NOL8: variants seen among roughly 807,000 people sequenced by gnomAD.
NOL8 encodes nucleolar protein 8.
A neutral mutation model predicts 116.1 loss-of-function variants in NOL8; 93 were observed. The observed-to-expected ratio is 0.80, with a 90% CI of 0.68 to 0.95. The LOEUF is 0.95. Among genes scored for constraint, NOL8 ranks in the 40% least tolerant of loss-of-function variants. NOL8 has a pLI of 0.00. For synonymous variants in NOL8, 419 were observed against 469.0 expected, an observed-to-expected ratio of 0.89 and a Z score of 1.38; for missense variants, 1,291 against 1,382.8, an observed-to-expected ratio of 0.93 and a Z score of 1.05.
chr9:92,297,760 A>C lies in NOL8; in HGVS notation c.*76T>G. The C allele has an allele frequency of 9.3e-7, 1 of 1,075,518 alleles. No homozygotes were observed. The highest frequency in any genetic ancestry group is 1.3e-6 in the Non-Finnish European group (1 of 760,148). 66.6% of individuals were successfully genotyped at this position (1,075,518 alleles called of 1,614,324 possible). A position where few individuals can be genotyped will look rare whatever the true frequency, so the allele number is the denominator to read the frequency against. ...TTCACTCTGAAATTTCTTCTTTGTC[A>C]GCTAAAACTGTTTTCTGGGTCAGTT... is the stretch of plus-strand genomic sequence containing the variant. On this transcript the variant is annotated 3_prime_UTR_variant, in exon 17 of 17. Transcript: ENST00000442668.
At position 92,324,137 on chromosome 9, in the gene NOL8, G is replaced by T; in HGVS notation, c.25C>A (p.Arg9Ser). 2.5e-6 allele frequency: 4 copies of T among 1,613,738 alleles called. No individual in the cohort carries two copies. The highest frequency in any genetic ancestry group is 3.4e-6 in the Non-Finnish European group (4 of 1,179,750). The change falls in exon 2 of 17, where the codon CGC (arginine) becomes AGC (serine). Residue 9 changes from arginine (R) to serine (S), a missense_variant. Transcript: ENST00000442668. The stretch of plus-strand genomic sequence containing the variant: ...TGGCTAAGGCCACCCACATAAAGGC[G>T]CTTCGTTTCTCTGTTCACTTTCATG... MKVNRETK[R>S]LYVGGLSQDI... is the part of the protein sequence containing the mutation.
chr9:92,301,580 A>C lies in NOL8; in HGVS notation c.3146T>G (p.Phe1049Cys). 1 of 1,602,790 alleles carries C rather than the reference A, an allele frequency of 6.2e-7. No individual in the cohort carries two copies. The highest frequency in any genetic ancestry group is 8.5e-7 in the Non-Finnish European group (1 of 1,175,502). Reference sequence around the variant, plus strand: ...CTTTATGTCTTTAGTGTCTGAATCAAAAAAAGAGAACGTGAACCCGCTGGG... The same window carrying C: ...CTTTATGTCTTTAGTGTCTGAATCACAAAAAGAGAACGTGAACCCGCTGGG... ...EQPSGFTFSF[F>C]DSDTKDIKEE... Residue 1049 changes from phenylalanine to cysteine, a missense_variant, in exon 13 of 17, where the codon TTT becomes TGT. Phe to Cys is a radical substitution (Grantham distance 205). Coordinates refer to ENST00000442668, the MANE Select transcript of NOL8 (RefSeq NM_017948.6).
At chr9:92,297,973 G>A in intron 16 of NOL8, 87 bp from the exon 17 acceptor site, 1 of 1,156,530 alleles carries the variant, frequency 8.6e-7, no homozygotes, top group African/African-American at 1.6e-5. Context: ...TATTCTCACT[G>A]TCAGGGCTGT....
At chr9:92,310,031 C>T in intron 10 of NOL8, 140 bp downstream of exon 10, 4 of 619,316 alleles carry the variant, frequency 6.5e-6, no homozygotes, top group Non-Finnish European at 8.4e-6. Context: ...TTAGTATTAA[C>T]TGTACATTTG....
intron 11 of NOL8, among the ~76,000 whole-genome samples, chr9:92,306,237 G>A (rs41312230): frequency 0.031 from 4,656 of 152,110 alleles, 112 homozygotes; most frequent in South Asian, 0.079. Flanking sequence ...CAGGTGATCC[G>A]CCCACCTTAG....
chr9:92,297,762 C>T lies in NOL8; in HGVS notation c.*74G>A. On this transcript the variant is annotated 3_prime_UTR_variant, in exon 17 of 17. Transcript: ENST00000442668. ...CACTCTGAAATTTCTTCTTTGTCAG[C>T]TAAAACTGTTTTCTGGGTCAGTTTC... 8.8e-7 allele frequency: 1 copy of T among 1,132,172 alleles called. No individual in the cohort carries two copies. Among genetic ancestry groups the T allele is most frequent in the Middle Eastern group, 2.1e-4 (1 of 4,780 alleles). 70.1% of individuals were successfully genotyped at this position (1,132,172 alleles called of 1,614,324 possible).
Position 92,314,879 on chromosome 9 carries a change from C to G in NOL8, c.1746G>C (p.Lys582Asn). ...AFKGVGCLYE[K>N]ESMKKSLKDS... ...CTTTCAAGGATTTTTTCATTGACTC[C>G]TTTTCATATAGACAGCCTACTCCCT... is the stretch of plus-strand genomic sequence containing the variant. Residue 582 changes from lysine to asparagine, a missense_variant, in exon 7 of 17, where the codon AAG becomes AAC. Lys to Asn is a moderately conservative substitution (Grantham distance 94). Transcript: ENST00000442668. 1 of 1,613,554 alleles carries G rather than the reference C, an allele frequency of 6.2e-7. No homozygotes were observed. Among genetic ancestry groups the G allele is most frequent in the East Asian group, 2.2e-5 (1 of 44,870 alleles).
intron 5 of NOL8, chr9:92,318,903 G>GT: frequency 1.9e-6 from 1 of 527,952 alleles, no homozygotes. Flanking sequence ...AGTAAACCGT[G>GT]TAAGATGGTT....
At chr9:92,309,633 G>T (rs2134111540) in intron 10 of NOL8, among the ~76,000 whole-genome samples, 1 of 152,232 alleles carries the variant, frequency 6.6e-6, no homozygotes, top group South Asian at 2.1e-4. Context: ...AAGATTGGAA[G>T]TACTGCTGTG....
intron 2 of NOL8, 97 bp from the exon 3 acceptor site, chr9:92,323,600 AGCTCTTG>A: frequency 1.3e-5 from 12 of 954,974 alleles, no homozygotes; most frequent in South Asian, 1.8e-5. Context: ...AAAAAAAAAT[AGCTCTTG>A]AAAACTTATT....
chr9:92,311,364 T>C, intron 7 of NOL8, 105 bp from the exon 8 acceptor site: 1 of 701,694 alleles, frequency 1.4e-6, no homozygotes, highest in Non-Finnish European at 2.4e-6. Context: ...CTAATTAAAC[T>C]AAAGAGCTTC....
chr9:92,313,562 C>CA, intron 7 of NOL8, among the ~76,000 whole-genome samples: 1 of 152,316 alleles, frequency 6.6e-6, no homozygotes, highest in East Asian at 1.9e-4. Context: ...ATTTTATGAA[C>CA]AAAATGAAAC....
At chr9:92,299,756 A>C (rs1837564815) in intron 14 of NOL8, 134 bp downstream of exon 14, 4 of 1,009,006 alleles carry the variant, frequency 4.0e-6, no homozygotes, top group Non-Finnish European at 5.7e-6. Context: ...CGTCTCAAAA[A>C]AAAAAAATAA....
chr9:92,311,298 T>G, intron 7 of NOL8, 39 bp from the exon 8 acceptor site: 1 of 1,499,886 alleles, frequency 6.7e-7, no homozygotes, highest in Non-Finnish European at 9.2e-7. Flanking sequence ...TTAAAAAGAT[T>G]TATGATGAAG....
chr9:92,323,218 AG>A (rs1322267424), intron 3 of NOL8: 1 of 1,252,280 alleles, frequency 8.0e-7, no homozygotes, highest in Non-Finnish European at 1.1e-6. Flanking sequence ...TGAGAATAGC[AG>A]TTTTAAGTAA....
chr9:92,316,877 C>T (rs889828386), intron 6 of NOL8, among the ~76,000 whole-genome samples: 7 of 152,166 alleles, frequency 4.6e-5, no homozygotes, highest in Non-Finnish European at 8.8e-5. Flanking sequence ...TAGTTAACAT[C>T]GATGTGTTGT....
At position 92,318,634 on chromosome 9, in the gene NOL8, T is replaced by C. The variant is rs1839642065; in HGVS notation, c.470A>G (p.Asn157Ser). 1.2e-6 allele frequency: 2 copies of C among 1,602,268 alleles called. No homozygotes were observed. Among genetic ancestry groups the C allele is most frequent in the African/African-American group, 2.7e-5 (2 of 74,394 alleles). The change falls in exon 6 of 17, where the codon AAT becomes AGT. Residue 157 changes from asparagine (N) to serine (S), a missense_variant. Transcript: ENST00000442668. ...GRVLPVLHLKNQHKRKIIKYD... is the reference protein window; with the variant it reads ...GRVLPVLHLKSQHKRKIIKYD... ...AAAGGATATTTTACGTTTATGTTGA[T>C]TTTTAAGGTGAAGAACAGGTAAGAC...
intron 11 of NOL8, among the ~76,000 whole-genome samples, 200 bp downstream of exon 11, chr9:92,306,686 G>C (rs1053107942): frequency 5.9e-5 from 9 of 152,184 alleles, no homozygotes; most frequent in Admixed American, 1.3e-4. Context: ...TGACATCTAA[G>C]TGTATAAATA....
Position 92,311,197 on chromosome 9 carries a change from T to G in NOL8, c.2421A>C (p.Thr807=). The stretch of plus-strand genomic sequence containing the variant: ...TCTGCTCCTGAGTCGATGTCTCCTC[T>G]GTTTCACATTCACTGTCAGAACCGA... The part of the protein sequence containing the change: ...IIFGSDSECE[T]EETSTQEQSH... The change falls in exon 8 of 17, where the codon ACA becomes ACC. Residue 807 remains threonine (T), a synonymous_variant. Coordinates refer to ENST00000442668, the MANE Select transcript of NOL8 (RefSeq NM_017948.6). The G allele has an allele frequency of 6.2e-7, 1 of 1,613,912 alleles. No individual in the cohort carries two copies. The highest frequency in any genetic ancestry group is 1.7e-5 in the Admixed American group (1 of 60,022).
Sources: gnomAD v4.1 joint callset for allele counts (sites outside exome capture counted in the v4.1 genomes callset) on GRCh38, gnomAD v4.1.1 for gene constraint, MANE v1.5 for transcripts, NCBI Gene and HGNC (gene_info 2026-07-23, HGNC 2026-07-21) for gene names.